The following ZPR1 variants were observed in gnomAD, a reference collection of about 807,000 sequenced individuals.
The protein encoded by ZPR1 is zinc finger protein ZPR1.
ZPR1 carries 37 observed loss-of-function variants against 59.6 expected under a neutral mutation model. The observed-to-expected ratio is 0.62, with a 90% CI of 0.48 to 0.82. The LOEUF is 0.82. ZPR1 is among the 40% of genes least tolerant of loss of function. The probability of loss-of-function intolerance (pLI) is 0.00; values close to 1 mark genes in which losing one functional copy is unlikely to be tolerated. For missense variants in ZPR1, 527 were observed against 579.9 expected (o/e 0.91, Z 0.94); for synonymous variants, 191 against 215.2 (o/e 0.89, Z 0.99).
intron 10 of ZPR1, 85 bp from the exon 11 acceptor site, chr11:116,783,114 T>TCTATCACTGCTG: frequency 2.0e-6 from 2 of 988,360 alleles, no homozygotes; most frequent in Non-Finnish European, 3.2e-6. Flanking sequence ...ATACCAGCAG[T>TCTATCACTGCTG]GATAGACTGC....
chr11:116,782,903 T>C lies in ZPR1; in HGVS notation c.1092+16A>G, dbSNP rs773385250. ...AATTGCTCAAAGGTGGTTTACACACTACTCAAGTGACTCACCAGTTCCCGG... is the reference window on the plus strand; with the variant it reads ...AATTGCTCAAAGGTGGTTTACACACCACTCAAGTGACTCACCAGTTCCCGG... On this transcript the variant is annotated intron_variant, in intron 11 of 13. Transcript: ENST00000227322. 1.2e-6 allele frequency: 2 copies of C among 1,608,572 alleles called. No homozygotes were observed.
In ZPR1 at chr11:116,787,954, C is replaced by T. The variant is rs1407314823; in HGVS notation, c.37G>A (p.Gly13Arg). 2.0e-5 allele frequency: 29 copies of T among 1,458,622 alleles called. No homozygotes were observed. The highest frequency in any genetic ancestry group is 2.6e-5 in the Non-Finnish European group (29 of 1,115,444). The allele number at this position is 1,458,622 out of a possible 1,614,324, so 90.4% of individuals were successfully genotyped here. ...GCGGGCGACGGGGCGACGGCAGCCC[C>T]CGGGGGCCCTGGTTCCACAGCCCCG... is the stretch of plus-strand genomic sequence containing the variant. ...ASGAVEPGPP[G>R]AAVAPSPAPA... Residue 13 changes from glycine to arginine, a missense_variant, in exon 1 of 14, where the codon GGG (glycine) becomes AGG (arginine). By Grantham distance (125) the Gly-to-Arg change is moderately radical. Transcript: ENST00000227322.
In ZPR1 at chr11:116,786,693, G is replaced by A. The variant is rs73588443; in HGVS notation, c.425-112C>T. Reference sequence around the variant, plus strand: ...TCTCTGGGTCTTAATTTCCTCATCTGTAAAATGAGAAGGCCAGGTGCAAGG... The same window carrying A: ...TCTCTGGGTCTTAATTTCCTCATCTATAAAATGAGAAGGCCAGGTGCAAGG... On this transcript the variant is annotated intron_variant, in intron 3 of 13. Transcript: ENST00000227322. The A allele has an allele frequency of 6.4e-3, 6,036 of 946,596 alleles. 255 individuals carry two copies. In the African/African-American group the frequency reaches 0.087, roughly 14 times the overall value. 58.6% of individuals were successfully genotyped at this position (946,596 alleles called of 1,614,324 possible).
intron 12 of ZPR1, 148 bp downstream of exon 12, chr11:116,782,010 T>A (rs577820661): frequency 1.1e-3 from 667 of 600,726 alleles, no homozygotes; most frequent in Middle Eastern, 5.7e-3. Flanking sequence ...AGACTCTGTC[T>A]CCAAAAAAAA....
In ZPR1 at chr11:116,787,507, T is replaced by C; in HGVS notation, c.308A>G (p.Tyr103Cys). 1 of 1,614,106 alleles carries C rather than the reference T, an allele frequency of 6.2e-7. No homozygotes were observed. Among genetic ancestry groups the C allele is most frequent in the African/African-American group, 1.3e-5 (1 of 75,032 alleles). The part of the protein sequence containing the change: ...AGRIQDQGVR[Y>C]TLSVRALEDM... Reference sequence around the variant, plus strand: ...CTCCAGAGCCCTGACAGACAAAGTGTAGCGCACTCCCTGGTCCTGGATCCT... The same window carrying C: ...CTCCAGAGCCCTGACAGACAAAGTGCAGCGCACTCCCTGGTCCTGGATCCT... The change falls in exon 2 of 14, where the codon TAC becomes TGC. Residue 103 changes from tyrosine (Y) to cysteine (C), a missense_variant. Coordinates refer to ENST00000227322, the MANE Select transcript of ZPR1 (RefSeq NM_003904.5).
At chr11:116,787,134 C>T in intron 2 of ZPR1, 75 bp from the exon 3 acceptor site, 1 of 1,341,226 alleles carries the variant, frequency 7.5e-7, no homozygotes, top group Non-Finnish European at 1.1e-6. Context: ...CAGACCGTCC[C>T]CTTCCATCAG....
chr11:116,778,780 C>G lies in ZPR1; in HGVS notation c.*145G>C. On this transcript the variant is annotated 3_prime_UTR_variant, in exon 14 of 14. Coordinates refer to ENST00000227322, the MANE Select transcript of ZPR1 (RefSeq NM_003904.5). ...TCACAAGCTGTTTAGAAAGTGTGCACAGATCTCTGACTCAGACCAGATGTC... is the reference window on the plus strand; with the variant it reads ...TCACAAGCTGTTTAGAAAGTGTGCAGAGATCTCTGACTCAGACCAGATGTC... 9.8e-7 allele frequency: 1 copy of G among 1,016,728 alleles called. No individual in the cohort carries two copies. Among genetic ancestry groups the G allele is most frequent in the South Asian group, 1.7e-5 (1 of 59,408 alleles). 63.0% of individuals were successfully genotyped at this position (1,016,728 alleles called of 1,614,324 possible).
In ZPR1 at chr11:116,777,755, C is replaced by T. The variant is rs766262869; in HGVS notation, c.*1170G>A. On this transcript the variant is annotated 3_prime_UTR_variant, in exon 14 of 14. Transcript: ENST00000227322. ...AACTGGTCTTTATTGAACAAATACC[C>T]TGCAGTCTGCACCACAGGAGTCACC... 6.6e-6 allele frequency: 1 copy of T among 152,114 alleles called. No individual in the cohort carries two copies. Among genetic ancestry groups the T allele is most frequent in the Non-Finnish European group, 1.5e-5 (1 of 68,040 alleles). The allele number at this position is 152,114 out of a possible 1,614,324, so 9.4% of individuals were successfully genotyped here. A position where few individuals can be genotyped will look rare whatever the true frequency, so the allele number is the denominator to read the frequency against.
At chr11:116,784,007 C>CAG (rs949946726) in intron 9 of ZPR1, among the ~76,000 whole-genome samples, 1 of 152,098 alleles carries the variant, frequency 6.6e-6, no homozygotes, top group African/African-American at 2.4e-5. Context: ...CAGATACACT[C>CAG]AGGGGAAGGG....
Position 116,779,026 on chromosome 11 carries a change from T to C in ZPR1, c.1279A>G (p.Lys427Glu), listed in dbSNP as rs190132508. Reference protein sequence around the residue: ...VYAPEDDPEMKVERYKRTFDQ... With the variant: ...VYAPEDDPEMEVERYKRTFDQ... ...AAGGTGCGCTTGTAACGCTCCACCT[T>C]CATCTCAGGATCATCTTCAGGCGCA... The change falls in exon 14 of 14, where the codon AAG becomes GAG. Residue 427 changes from lysine (K) to glutamate (E), a missense_variant. Transcript: ENST00000227322. 1 of 1,614,202 alleles carries C rather than the reference T, an allele frequency of 6.2e-7. No individual in the cohort carries two copies.
Position 116,787,017 on chromosome 11 carries a change from T to C in ZPR1, c.376A>G (p.Arg126Gly). The C allele has an allele frequency of 1.2e-6, 2 of 1,614,214 alleles. No homozygotes were observed. Among genetic ancestry groups the C allele is most frequent in the South Asian group, 2.2e-5 (2 of 91,088 alleles). The change falls in exon 3 of 14, where the codon AGG (arginine) becomes GGG (glycine). Residue 126 changes from arginine to glycine, a missense_variant. Transcript: ENST00000227322. ...EVVKTDSAAT[R>G]IPELDFEIPA... ...ATTTCAAAATCTAGCTCAGGAATCCTTGTGGCAGCAGAGTCAGTCTTCACC... is the reference window on the plus strand; with the variant it reads ...ATTTCAAAATCTAGCTCAGGAATCCCTGTGGCAGCAGAGTCAGTCTTCACC...
chr11:116,785,149 A>T lies in ZPR1; in HGVS notation c.706-3T>A. ...GGCTTCTCTGCTGGTGCTTCTTCCT[A>T]AAATAGCAAAGATGCAGGTCGCAAG... On this transcript the variant is annotated splice_polypyrimidine_tract_variant and splice_region_variant and intron_variant, in intron 6 of 13. Coordinates refer to ENST00000227322, the MANE Select transcript of ZPR1 (RefSeq NM_003904.5). 1 of 1,613,894 alleles carries T rather than the reference A, an allele frequency of 6.2e-7. No homozygotes were observed.
In ZPR1 at chr11:116,778,723, A is replaced by G; in HGVS notation, c.*202T>C. On this transcript the variant is annotated 3_prime_UTR_variant, in exon 14 of 14. Transcript: ENST00000227322. ...AGGCCAATTCAAAACTTCCAAAATA[A>G]GGTCAAGTAACACAATAGGCTCACA... 1.6e-6 allele frequency: 1 copy of G among 638,224 alleles called. No homozygotes were observed. The highest frequency in any genetic ancestry group is 2.5e-6 in the Non-Finnish European group (1 of 398,998). The allele number at this position is 638,224 out of a possible 1,614,324, so 39.5% of individuals were successfully genotyped here.
At chr11:116,786,872 C>T (rs952373073) in intron 3 of ZPR1, 97 bp downstream of exon 3, 2 of 992,984 alleles carry the variant, frequency 2.0e-6, no homozygotes, top group Admixed American at 3.5e-5. Context: ...AGAACCCATA[C>T]ACAAACCACT....
chr11:116,786,295 TA>T (rs1272186016), intron 4 of ZPR1, among the ~76,000 whole-genome samples: 9 of 152,172 alleles, frequency 5.9e-5, no homozygotes, highest in Non-Finnish European at 1.3e-4. Context: ...TCTTCAGAGG[TA>T]ATGTTATATT....
chr11:116,786,449 A>G, intron 4 of ZPR1, 62 bp downstream of exon 4: 2 of 1,586,584 alleles, frequency 1.3e-6, no homozygotes, highest in South Asian at 2.2e-5. Context: ...CTTCAGACAC[A>G]TGGGACACTC....
rs1278411813 is a variant in ZPR1, at chr11:116,774,601, A to G, written c.*4324T>C. 1 of 152,196 alleles carries G rather than the reference A, an allele frequency of 6.6e-6. No homozygotes were observed. The highest frequency in any genetic ancestry group is 1.9e-4 in the East Asian group (1 of 5,194). The allele number at this position is 152,196 out of a possible 1,614,324, so 9.4% of individuals were successfully genotyped here. ...GCTTGGGGATCAGTCTTGAAGCATG[A>G]ATTTTTACCCAGTGGGCCATGTTGA... On this transcript the variant is annotated 3_prime_UTR_variant, in exon 14 of 14. Transcript: ENST00000227322.
rs1334221592 is a variant in ZPR1, at chr11:116,777,066, G to T, written c.*1859C>A. ...GGAAGTTAGTCCCACATGATAGTAA[G>T]ATGCCAAAGAATCTGATATGGAGAG... On this transcript the variant is annotated 3_prime_UTR_variant, in exon 14 of 14. Coordinates refer to ENST00000227322, the MANE Select transcript of ZPR1 (RefSeq NM_003904.5). 6.6e-6 allele frequency: 1 copy of T among 152,182 alleles called. No homozygotes were observed. The highest frequency in any genetic ancestry group is 1.5e-5 in the Non-Finnish European group (1 of 68,042). The allele number at this position is 152,182 out of a possible 1,614,324, so 9.4% of individuals were successfully genotyped here.
At chr11:116,782,815 CCA>C (rs1940828228) in intron 11 of ZPR1, 102 bp downstream of exon 11, 1 of 864,206 alleles carries the variant, frequency 1.2e-6, no homozygotes, top group Non-Finnish European at 1.9e-6. Context: ...GCAAAGAAAC[CCA>C]CAGTTACCAG....
Sources: gnomAD v4.1 joint callset for allele counts (sites outside exome capture counted in the v4.1 genomes callset) on GRCh38, gnomAD v4.1.1 for gene constraint, MANE v1.5 for transcripts, NCBI Gene and HGNC (gene_info 2026-07-23, HGNC 2026-07-21) for gene names.